TNNT3: variants seen among roughly 807,000 people sequenced by gnomAD.
TNNT3 encodes troponin T, fast skeletal muscle.
Under a neutral mutation model 54.2 loss-of-function variants are expected in TNNT3, and 36 were observed. The observed-to-expected ratio is 0.66, with a 90% CI of 0.51 to 0.88. TNNT3 has a LOEUF of 0.88. Among genes scored for constraint, TNNT3 ranks in the 40% least tolerant of loss-of-function variants. The pLI is 0.00. For missense variants in TNNT3, 291 were observed against 331.6 expected, an observed-to-expected ratio of 0.88 and a Z score of 0.95; for synonymous variants, 120 against 109.7, an observed-to-expected ratio of 1.09 and a Z score of -0.59.
At chr11:1,927,070 G>C (rs949060169) in intron 6 of TNNT3, among the ~76,000 whole-genome samples, 1 of 152,206 alleles carries the variant, frequency 6.6e-6, no homozygotes, top group East Asian at 1.9e-4. Context: ...CCACCAGGGT[G>C]GGGTGGGAAG....
chr11:1,925,934 A>T (rs967546779), intron 5 of TNNT3, among the ~76,000 whole-genome samples: 6 of 152,064 alleles, frequency 3.9e-5, no homozygotes, highest in Admixed American at 1.3e-4. Flanking sequence ...TCCATCAGGG[A>T]AAGAACGAGT....
In TNNT3 at chr11:1,938,545, G is replaced by A. The variant is rs568960315; in HGVS notation, c.*53G>A. 3.2e-6 allele frequency: 5 copies of A among 1,579,210 alleles called. No homozygotes were observed. Among genetic ancestry groups the A allele is most frequent in the African/African-American group, 1.3e-5 (1 of 74,318 alleles). On this transcript the variant is annotated 3_prime_UTR_variant, in exon 16 of 16. Coordinates refer to ENST00000278317, the MANE Select transcript of TNNT3 (RefSeq NM_006757.4). Reference sequence around the variant, plus strand: ...AGACCCTCCGCCCTCTTGCACACCAGGGCCGCTCGTGGGACTCCACATCCT... The same window carrying A: ...AGACCCTCCGCCCTCTTGCACACCAAGGCCGCTCGTGGGACTCCACATCCT...
chr11:1,929,953 G>A (rs1852873719), intron 8 of TNNT3, 125 bp downstream of exon 8: 1 of 1,329,576 alleles, frequency 7.5e-7, no homozygotes, highest in African/African-American at 1.5e-5. Context: ...CCAAGTGAGT[G>A]TGGGGTCCTG....
chr11:1,930,351 C>T (rs1853019667), intron 8 of TNNT3, among the ~76,000 whole-genome samples: 1 of 152,136 alleles, frequency 6.6e-6, no homozygotes, highest in African/African-American at 2.4e-5. Context: ...GAAAGTGAGT[C>T]CGGAAGTGGA....
intron 5 of TNNT3, chr11:1,925,433 G>A (rs902788192): frequency 1.1e-5 from 9 of 789,714 alleles, no homozygotes; most frequent in South Asian, 3.1e-5. Context: ...CACTAACCGC[G>A]GCCAATGCTT....
intron 7 of TNNT3, among the ~76,000 whole-genome samples, chr11:1,929,498 G>A (rs560128959): frequency 5.3e-5 from 8 of 152,204 alleles, no homozygotes; most frequent in South Asian, 2.1e-4. Context: ...TCTTTGCTCC[G>A]TCTCCTCCCT....
chr11:1,929,811 G>A lies in TNNT3; in HGVS notation c.108G>A (p.Glu36=). The stretch of plus-strand genomic sequence containing the variant: ...CTACGCTGGTGCTGTGTGGACCAGA[G>A]GAGAAACCGAGACCCAAGTGAGTGT... ...QEDTAEEDAE[E]EKPRPKLTAP... Residue 36 remains glutamate, a splice_region_variant and synonymous_variant, in exon 8 of 16, where the codon GAG becomes GAA. Transcript: ENST00000278317. 4.5e-6 allele frequency: 7 copies of A among 1,551,438 alleles called. No homozygotes were observed. In the South Asian group the frequency reaches 8.3e-5, roughly 18 times the overall value.
intron 14 of TNNT3, chr11:1,936,303 C>A (rs756154465): frequency 1.9e-6 from 3 of 1,601,356 alleles, no homozygotes; most frequent in African/African-American, 1.3e-5. Flanking sequence ...GTGCGTTGCA[C>A]GGTGAGGTGA....
intron 5 of TNNT3, 28 bp downstream of exon 5, chr11:1,925,144 C>A: frequency 6.2e-7 from 1 of 1,611,592 alleles, no homozygotes; most frequent in Admixed American, 1.7e-5. Flanking sequence ...CCCCGGCCCC[C>A]ATGCCCACTC....
At chr11:1,923,026 T>TCC (rs766587474) in intron 2 of TNNT3, 22 bp from the exon 3 acceptor site, 1 of 1,613,748 alleles carries the variant, frequency 6.2e-7, no homozygotes, top group South Asian at 1.1e-5. Flanking sequence ...TCTTTCTTTC[T>TCC]CTCTCTCTCC....
At chr11:1,921,123 G>A (rs1411074033) in intron 1 of TNNT3, among the ~76,000 whole-genome samples, 1 of 152,184 alleles carries the variant, frequency 6.6e-6, no homozygotes, top group Non-Finnish European at 1.5e-5. Flanking sequence ...GGCCAAGGAG[G>A]GCTGGGCTGT....
At chr11:1,929,713 A>G in intron 7 of TNNT3, 97 bp from the exon 8 acceptor site, 1 of 1,386,438 alleles carries the variant, frequency 7.2e-7, no homozygotes, top group Non-Finnish European at 1.0e-6. Context: ...AGTGAAGGGG[A>G]ACCCAGGGCC....
chr11:1,937,349 C>T (rs1172135525), intron 15 of TNNT3, among the ~76,000 whole-genome samples: 5 of 152,140 alleles, frequency 3.3e-5, no homozygotes, highest in Non-Finnish European at 7.4e-5. Flanking sequence ...TTGGTGTGGC[C>T]AACCTGGGCC....
chr11:1,937,139 C>T (rs1453391089), intron 15 of TNNT3, 136 bp downstream of exon 15: 2 of 955,740 alleles, frequency 2.1e-6, no homozygotes, highest in Non-Finnish European at 3.2e-6. Flanking sequence ...GCCAGGCCAC[C>T]CAGGCCAGCA....
chr11:1,922,884 G>A lies in TNNT3; in HGVS notation c.10G>A (p.Glu4Lys), dbSNP rs756320452. Residue 4 changes from glutamate to lysine, a missense_variant, in exon 2 of 16, where the codon GAG becomes AAG. Coordinates refer to ENST00000278317, the MANE Select transcript of TNNT3 (RefSeq NM_006757.4). MSDEEVEQVEEQYE... is the reference protein window; with the variant it reads MSDKEVEQVEEQYE... ...ACCACCCACCTTCACCATGTCTGAC[G>A]AGGAAGTGTGAGTACCCAGCTGGTG... 8.1e-6 allele frequency: 13 copies of A among 1,613,370 alleles called. No individual in the cohort carries two copies. Among genetic ancestry groups the A allele is most frequent in the African/African-American group, 5.3e-5 (4 of 74,866 alleles).
chr11:1,930,110 G>A (rs774903606), intron 8 of TNNT3, among the ~76,000 whole-genome samples: 1 of 152,196 alleles, frequency 6.6e-6, no homozygotes, highest in South Asian at 2.1e-4. Flanking sequence ...AGGCCCAGCA[G>A]GGTGTGATTT....
At chr11:1,924,682 T>C (rs1851009660) in intron 4 of TNNT3, among the ~76,000 whole-genome samples, 1 of 152,152 alleles carries the variant, frequency 6.6e-6, no homozygotes, top group Admixed American at 6.5e-5. Flanking sequence ...GTGCCAGCCT[T>C]GTTTCCGGGT....
intron 8 of TNNT3, among the ~76,000 whole-genome samples, 181 bp downstream of exon 8, chr11:1,930,009 G>A (rs1055640223): frequency 1.1e-4 from 16 of 152,224 alleles, no homozygotes; most frequent in African/African-American, 3.6e-4. Context: ...CGGAGGAGAG[G>A]GCCAGGGCCA....
At chr11:1,931,240 C>A (rs762832239) in intron 8 of TNNT3, among the ~76,000 whole-genome samples, 1 of 152,318 alleles carries the variant, frequency 6.6e-6, no homozygotes, top group South Asian at 2.1e-4. Context: ...TCATAAATAA[C>A]GCTGGTTGGA....
Sources: gnomAD v4.1 joint callset for allele counts (sites outside exome capture counted in the v4.1 genomes callset) on GRCh38, gnomAD v4.1.1 for gene constraint, MANE v1.5 for transcripts, NCBI Gene and HGNC (gene_info 2026-07-23, HGNC 2026-07-21) for gene names.